Variants in POT1 observed in about 807,000 individuals in gnomAD.
POT1 encodes the protein protection of telomeres protein 1.
In POT1, 47 loss-of-function variants were observed where a neutral mutation model predicts 78.5. The observed-to-expected ratio is 0.60, with a 90% confidence interval of 0.47 to 0.76. The LOEUF is 0.76. POT1 is among the 30% of genes least tolerant of loss of function. POT1 has a pLI of 0.00. For synonymous variants in POT1, 259 were observed against 260.7 expected (o/e 0.99, Z 0.06); for missense variants, 646 against 749.9 (o/e 0.86, Z 1.62).
At chr7:124,894,203 C>T (rs1796438704) in intron 5 of POT1, among the ~76,000 whole-genome samples, 1 of 151,042 alleles carries the variant, frequency 6.6e-6, no homozygotes, top group Non-Finnish European at 1.5e-5. Context: ...TCAGTTTAAA[C>T]AAGAGTAGAA....
At chr7:124,839,475 C>T (rs1258990240) in intron 14 of POT1, among the ~76,000 whole-genome samples, 1 of 152,146 alleles carries the variant, frequency 6.6e-6, no homozygotes, top group Non-Finnish European at 1.5e-5. Context: ...CTAAGAATGA[C>T]TTTGTATTTA....
At chr7:124,924,156 C>CAAA (rs35845455) in intron 2 of POT1, among the ~76,000 whole-genome samples, 2 of 123,422 alleles carry the variant, frequency 1.6e-5, no homozygotes, top group African/African-American at 5.9e-5. Context: ...AACAAAAATC[C>CAAA]AAAAAAAAAA....
intron 7 of POT1, among the ~76,000 whole-genome samples, chr7:124,865,175 G>GA (rs1433206604): frequency 6.6e-6 from 1 of 152,056 alleles, no homozygotes; most frequent in East Asian, 1.9e-4. Flanking sequence ...AGTGAAAGAT[G>GA]ACTGGTATCA....
intron 16 of POT1, chr7:124,828,990 G>A (rs759612088): frequency 2.1e-5 from 14 of 671,098 alleles, no homozygotes; most frequent in African/African-American, 1.1e-4. Flanking sequence ...GAAAAGCACT[G>A]GTAAAGTGGA....
intron 6 of POT1, among the ~76,000 whole-genome samples, chr7:124,880,169 A>C (rs1161181565): frequency 6.6e-6 from 1 of 152,274 alleles, no homozygotes; most frequent in Non-Finnish European, 1.5e-5. Context: ...AATAAAAAAA[A>C]ACACACAATG....
intron 2 of POT1, among the ~76,000 whole-genome samples, chr7:124,921,285 A>G (rs1188108124): frequency 1.3e-5 from 2 of 152,146 alleles, no homozygotes; most frequent in Non-Finnish European, 2.9e-5. Flanking sequence ...GATATGTCAA[A>G]AAGAAATCAA....
intron 6 of POT1, 141 bp from the exon 7 acceptor site, chr7:124,871,182 C>A (rs748069730): frequency 6.3e-5 from 40 of 631,930 alleles, no homozygotes; most frequent in Non-Finnish European, 8.6e-5. Context: ...GAGACATTTT[C>A]TTGGCTTTCA....
rs114820073 is a variant in POT1, at chr7:124,843,403, C to A, written c.1007-440G>T. ...TCAAATCAGTTACTTTTTACAGAAC[C>A]ATCATTATAAAATCAGATTAAGAAT... is the stretch of plus-strand genomic sequence containing the variant. On this transcript the variant is annotated intron_variant, in intron 12 of 18. Transcript: ENST00000357628. Among the ~76,000 whole-genome samples the A allele has an allele frequency of 7.1e-3, 1,085 of 152,128 alleles. 12 individuals are homozygous for A. The highest frequency in any genetic ancestry group is 0.024 in the African/African-American group (1,004 of 41,492).
At chr7:124,899,492 A>G (rs1170210579) in intron 3 of POT1, among the ~76,000 whole-genome samples, 2 of 152,102 alleles carry the variant, frequency 1.3e-5, no homozygotes, top group East Asian at 1.9e-4. Flanking sequence ...TTTCTCCGAA[A>G]CCTTTTATGC....
chr7:124,856,870 T>A (rs1209853149), intron 9 of POT1, among the ~76,000 whole-genome samples: 2 of 152,234 alleles, frequency 1.3e-5, no homozygotes, highest in East Asian at 3.9e-4. Flanking sequence ...ATAATATCTT[T>A]CAGGGAAATA....
At chr7:124,839,687 T>A (rs1368392589) in intron 14 of POT1, among the ~76,000 whole-genome samples, 1 of 152,222 alleles carries the variant, frequency 6.6e-6, no homozygotes, top group Non-Finnish European at 1.5e-5. Flanking sequence ...ATTATTTTTT[T>A]AAATAAGCCT....
chr7:124,828,856 C>T, intron 16 of POT1: 2 of 524,480 alleles, frequency 3.8e-6, no homozygotes, highest in Non-Finnish European at 7.6e-6. Flanking sequence ...AATAGCTATA[C>T]AATGACATTT....
chr7:124,846,411 G>A (rs1332924140), intron 12 of POT1, among the ~76,000 whole-genome samples: 1 of 151,764 alleles, frequency 6.6e-6, no homozygotes, highest in African/African-American at 2.4e-5. Flanking sequence ...TAATAAATTT[G>A]TGGTTAAAAA....
intron 12 of POT1, among the ~76,000 whole-genome samples, chr7:124,843,733 C>T (rs975525110): frequency 7.9e-5 from 12 of 152,184 alleles, no homozygotes; most frequent in African/African-American, 2.2e-4. Context: ...GCTATACATT[C>T]TAGCTTAACA....
At chr7:124,866,481 A>C (rs1795728506) in intron 7 of POT1, among the ~76,000 whole-genome samples, 1 of 152,124 alleles carries the variant, frequency 6.6e-6, no homozygotes, top group Non-Finnish European at 1.5e-5. Flanking sequence ...ATCCTTAAGT[A>C]GTTCTACCCT....
chr7:124,846,095 A>G (rs1795156602), intron 12 of POT1, among the ~76,000 whole-genome samples: 1 of 151,840 alleles, frequency 6.6e-6, no homozygotes, highest in African/African-American at 2.4e-5. Context: ...TGGCAACTGG[A>G]GTGCTGCTGC....
At chr7:124,849,288 G>C (rs1795245861) in intron 11 of POT1, among the ~76,000 whole-genome samples, 1 of 152,046 alleles carries the variant, frequency 6.6e-6, no homozygotes, top group Non-Finnish European at 1.5e-5. Flanking sequence ...AAACATACAT[G>C]GTTGCCCACA....
intron 11 of POT1, chr7:124,848,593 G>A (rs1449774005): frequency 5.0e-6 from 1 of 200,172 alleles, no homozygotes; most frequent in Non-Finnish European, 1.1e-5. Flanking sequence ...AACTCAGGAG[G>A]TGGAGGCTGC....
rs368632423 is a variant in POT1 at position 124,851,852 on chromosome 7, A to G, written c.949+20T>C. The G allele has an allele frequency of 2.0e-6, 3 of 1,501,132 alleles. No homozygotes were observed. The African/African-American group carries it at 4.1e-5, about 21-fold the overall frequency. The allele number at this position is 1,501,132 out of a possible 1,614,324, so 93.0% of individuals were successfully genotyped here. ...TTATTTAGCAAGAACTAAACTGTCA[A>G]TGTTAAAGATTATCCTTACTTGGAA... On this transcript the variant is annotated intron_variant, in intron 11 of 18. Coordinates refer to ENST00000357628, the MANE Select transcript of POT1 (RefSeq NM_015450.3).
Sources: gnomAD v4.1 joint callset for allele counts (sites outside exome capture counted in the v4.1 genomes callset) on GRCh38, gnomAD v4.1.1 for gene constraint, MANE v1.5 for transcripts, NCBI Gene and HGNC (gene_info 2026-07-23, HGNC 2026-07-21) for gene names.